Variants in GRIK2 observed in about 807,000 individuals in gnomAD.
GRIK2 encodes glutamate ionotropic receptor kainate type subunit 2.
Under a neutral mutation model 100.3 loss-of-function variants are expected in GRIK2, and 32 were observed. The ratio of observed to expected loss-of-function variants is 0.32; its 90% CI spans 0.24 to 0.43. The LOEUF (loss-of-function observed/expected upper bound fraction) is 0.43. Ranked by LOEUF, GRIK2 falls within the 20% of genes least tolerant of loss-of-function variation. GRIK2 has a pLI of 1.00. For missense variants in GRIK2, 843 were observed against 1,114.9 expected (o/e 0.76, Z 3.47); for synonymous variants, 417 against 389.4 (o/e 1.07, Z -0.83).
At chr6:101,780,375 A>C (rs2128401549) in intron 7 of GRIK2, among the ~76,000 whole-genome samples, 1 of 152,266 alleles carries the variant, frequency 6.6e-6, no homozygotes, top group South Asian at 2.1e-4. Context: ...GATTTGCCCG[A>C]ATCTTATTTC....
At chr6:101,831,375 T>C (rs1782680576) in intron 10 of GRIK2, among the ~76,000 whole-genome samples, 1 of 152,092 alleles carries the variant, frequency 6.6e-6, no homozygotes, top group South Asian at 2.1e-4. Context: ...CGAGGCTTCT[T>C]TTCTTGTTCT....
chr6:101,468,508 C>A (rs1413364514), intron 2 of GRIK2, among the ~76,000 whole-genome samples: 1 of 151,810 alleles, frequency 6.6e-6, no homozygotes, highest in Non-Finnish European at 1.5e-5. Context: ...AAATTCCAGG[C>A]AGATTTTAGT....
intron 10 of GRIK2, among the ~76,000 whole-genome samples, chr6:101,851,756 A>C (rs745502243): frequency 7.7e-6 from 1 of 130,520 alleles, no homozygotes; most frequent in Non-Finnish European, 1.6e-5. Flanking sequence ...AATATAGCCC[A>C]GTGGCTAATC....
chr6:101,561,111 G>A (rs1232479961), intron 2 of GRIK2, among the ~76,000 whole-genome samples: 1 of 152,134 alleles, frequency 6.6e-6, no homozygotes, highest in African/African-American at 2.4e-5. Context: ...AATATATTTA[G>A]TGTATTCTTT....
rs755636054 is a variant in GRIK2, at chr6:101,626,391, C to T, written c.295C>T (p.Leu99=). 1.9e-6 allele frequency: 3 copies of T among 1,612,096 alleles called. No individual in the cohort carries two copies. Among genetic ancestry groups the T allele is most frequent in the Non-Finnish European group, 2.5e-6 (3 of 1,179,336 alleles). ...TATCTCCTCTTCAGCCTGTGATCAG[C>T]TGTCTCTTGGGGTGGCTGCCATCTT... is the stretch of plus-strand genomic sequence containing the variant. ...FEASKKACDQ[L]SLGVAAIFGP... Residue 99 remains leucine, a synonymous_variant, in exon 4 of 17, where the codon CTG becomes TTG. Transcript: ENST00000369134.
chr6:101,479,122 T>C (rs994098110), intron 2 of GRIK2, among the ~76,000 whole-genome samples: 1 of 152,186 alleles, frequency 6.6e-6, no homozygotes, highest in Non-Finnish European at 1.5e-5. Flanking sequence ...TTTTACACAA[T>C]TATACAAATC....
At position 102,035,517 on chromosome 6, in the gene GRIK2, G is replaced by T; in HGVS notation, c.2262G>T (p.Gln754His). 6.2e-7 allele frequency: 1 copy of T among 1,609,832 alleles called. No individual in the cohort carries two copies. The highest frequency in any genetic ancestry group is 8.5e-7 in the Non-Finnish European group (1 of 1,177,048). Residue 754 changes from glutamine to histidine, a missense_variant, in exon 15 of 17, where the codon CAG becomes CAT. Gln to His is a conservative substitution (Grantham distance 24). Transcript: ENST00000369134. ...CCCAGCGGAACTGTAACCTGACACAGATTGGCGGCCTTATAGACTCTAAAG... is the reference window on the plus strand; with the variant it reads ...CCCAGCGGAACTGTAACCTGACACATATTGGCGGCCTTATAGACTCTAAAG... ...FVTQRNCNLT[Q>H]IGGLIDSKGY...
intron 15 of GRIK2, among the ~76,000 whole-genome samples, chr6:102,053,075 A>AAACAAC (rs1056818360): frequency 6.8e-6 from 1 of 147,022 alleles, no homozygotes; most frequent in South Asian, 2.1e-4. Context: ...CTACAAAGAC[A>AAACAAC]AACAACAACA....
At chr6:101,837,920 G>A (rs1034265940) in intron 10 of GRIK2, among the ~76,000 whole-genome samples, 1 of 152,056 alleles carries the variant, frequency 6.6e-6, no homozygotes, top group African/African-American at 2.4e-5. Context: ...TCTTTATGGG[G>A]TTCAGGACAT....
intron 6 of GRIK2, 62 bp downstream of exon 6, chr6:101,682,668 A>G: frequency 2.6e-6 from 2 of 762,144 alleles, no homozygotes; most frequent in Non-Finnish European, 4.5e-6. Context: ...TCAGATGAAA[A>G]ATAGGTTTTT....
intron 2 of GRIK2, among the ~76,000 whole-genome samples, chr6:101,448,648 T>C (rs1770504798): frequency 6.6e-6 from 1 of 151,526 alleles, no homozygotes; most frequent in African/African-American, 2.4e-5. Flanking sequence ...TTTTGAAGCA[T>C]GAGAATGAAA....
At chr6:101,814,633 G>T (rs866569942) in intron 9 of GRIK2, among the ~76,000 whole-genome samples, 1 of 152,068 alleles carries the variant, frequency 6.6e-6, no homozygotes, top group African/African-American at 2.4e-5. Context: ...AAGTTATTTG[G>T]CAACATATAG....
At chr6:101,566,268 C>T (rs1342816220) in intron 2 of GRIK2, among the ~76,000 whole-genome samples, 1 of 151,784 alleles carries the variant, frequency 6.6e-6, no homozygotes, top group Non-Finnish European at 1.5e-5. Flanking sequence ...CATATGAAAA[C>T]ATGTAGTGTA....
chr6:101,638,554 G>A (rs1190860077), intron 4 of GRIK2, among the ~76,000 whole-genome samples: 6 of 128,080 alleles, frequency 4.7e-5, no homozygotes, highest in Non-Finnish European at 8.0e-5. Context: ...GAAAAAGCAA[G>A]GAGAAAAAAA....
chr6:102,025,686 T>C (rs960437090), intron 14 of GRIK2, among the ~76,000 whole-genome samples: 1 of 151,266 alleles, frequency 6.6e-6, no homozygotes, highest in Non-Finnish European at 1.5e-5. Flanking sequence ...TATTGTGATA[T>C]GTTTTAATTC....
chr6:101,888,556 C>A (rs1213778682), intron 11 of GRIK2, among the ~76,000 whole-genome samples: 1 of 152,008 alleles, frequency 6.6e-6, no homozygotes, highest in Non-Finnish European at 1.5e-5. Flanking sequence ...CTCCGTAGCC[C>A]CTCTCAAAGA....
At chr6:101,635,795 A>G (rs1780977226) in intron 4 of GRIK2, among the ~76,000 whole-genome samples, 1 of 152,232 alleles carries the variant, frequency 6.6e-6, no homozygotes, top group Admixed American at 6.5e-5. Flanking sequence ...TCAAAACCAC[A>G]ATGAGATACC....
Position 101,492,245 on chromosome 6 carries a change from CTTCATA to C in GRIK2, c.115+92859_115+92864del, listed in dbSNP as rs143842532. Among the ~76,000 whole-genome samples, 196 of 151,884 alleles carry C rather than the reference CTTCATA, an allele frequency of 1.3e-3. 1 individual carries two copies. Among genetic ancestry groups the C allele is most frequent in the African/African-American group, 4.6e-3 (190 of 41,524 alleles). On this transcript the variant is annotated intron_variant, in intron 2 of 16. Transcript: ENST00000369134. Reference sequence around the variant, plus strand: ...AACTGAATCAATTATTTTATTGAGACTTCATATTCATTAGCTGATAGTTAACATTTA... The same window carrying C: ...AACTGAATCAATTATTTTATTGAGACTTCATTAGCTGATAGTTAACATTTA...
chr6:101,884,394 A>G (rs1786475339), intron 11 of GRIK2, among the ~76,000 whole-genome samples: 1 of 152,160 alleles, frequency 6.6e-6, no homozygotes, highest in Non-Finnish European at 1.5e-5. Context: ...AGAAGTATGC[A>G]TAAGATGTTT....
Sources: allele counts gnomAD v4.1 joint callset (sites outside exome capture counted in the v4.1 genomes callset), GRCh38; gene constraint gnomAD v4.1.1; transcripts MANE v1.5; gene names NCBI Gene and HGNC (gene_info 2026-07-23, HGNC 2026-07-21).